The following MIPEP variants were observed in gnomAD, a reference collection of about 807,000 sequenced individuals.
MIPEP encodes the protein mitochondrial intermediate peptidase.
MIPEP carries 79 observed loss-of-function variants against 90.3 expected under a neutral mutation model. That is an observed-to-expected ratio of 0.87 (90% CI 0.73 to 1.05). The LOEUF is 1.05. MIPEP is among the 50% of genes least tolerant of loss of function. The pLI is 0.00. For synonymous variants in MIPEP, 334 were observed against 315.8 expected (o/e 1.06, Z -0.61); for missense variants, 940 against 905.6 (o/e 1.04, Z -0.49).
At chr13:23,769,846 G>A (rs908350662) in intron 16 of MIPEP, among the ~76,000 whole-genome samples, 4 of 152,166 alleles carry the variant, frequency 2.6e-5, no homozygotes, top group Non-Finnish European at 4.4e-5. Flanking sequence ...ACCGGATCAT[G>A]AGGGCCCTGA....
rs564576763 is a variant in MIPEP, at chr13:23,854,517, G to A, written c.1106+4343C>T. 2.5e-4 allele frequency among the ~76,000 whole-genome samples: 38 copies of A among 152,152 alleles called. 1 individual carries two copies. The South Asian group carries it at 6.0e-3, about 24-fold the overall frequency. On this transcript the variant is annotated intron_variant, in intron 10 of 18. Coordinates refer to ENST00000382172, the MANE Select transcript of MIPEP (RefSeq NM_005932.4). ...CATCTGTATTTCATTATGTGAATGCGCTTGAGATTTTAAGAATATATCTTA... is the reference window on the plus strand; with the variant it reads ...CATCTGTATTTCATTATGTGAATGCACTTGAGATTTTAAGAATATATCTTA...
chr13:23,735,912 A>T (rs4770486), intron 18 of MIPEP, among the ~76,000 whole-genome samples: 2 of 149,586 alleles, frequency 1.3e-5, no homozygotes, highest in Admixed American at 6.6e-5. Context: ...TAAAAAAAAA[A>T]CAAAAAAAAC....
At chr13:23,764,914 C>T (rs1377464801) in intron 16 of MIPEP, among the ~76,000 whole-genome samples, 2 of 152,212 alleles carry the variant, frequency 1.3e-5, no homozygotes, top group Admixed American at 1.3e-4. Flanking sequence ...TGTAGAAATG[C>T]TTTAGCTAAA....
intron 16 of MIPEP, among the ~76,000 whole-genome samples, chr13:23,797,105 A>C (rs1952970987): frequency 6.6e-6 from 1 of 152,192 alleles, no homozygotes; most frequent in Non-Finnish European, 1.5e-5. Context: ...CTGGTACTTG[A>C]GAAAAGGCTG....
At chr13:23,860,185 A>G (rs774959908) in intron 9 of MIPEP, among the ~76,000 whole-genome samples, 1 of 152,244 alleles carries the variant, frequency 6.6e-6, no homozygotes, top group Non-Finnish European at 1.5e-5. Flanking sequence ...ACAGCCCACA[A>G]GAAGAGTATT....
chr13:23,742,209 C>T (rs1378355997), intron 18 of MIPEP, among the ~76,000 whole-genome samples: 1 of 152,112 alleles, frequency 6.6e-6, no homozygotes, highest in Non-Finnish European at 1.5e-5. Flanking sequence ...AAAAGTTTTC[C>T]TTTGAAGGGG....
intron 3 of MIPEP, among the ~76,000 whole-genome samples, chr13:23,880,008 C>A (rs1871213170): frequency 6.6e-6 from 1 of 152,202 alleles, no homozygotes; most frequent in Non-Finnish European, 1.5e-5. Context: ...AATGCCATGG[C>A]CCCCTCAAAA....
intron 18 of MIPEP, among the ~76,000 whole-genome samples, chr13:23,738,186 A>G (rs963538686): frequency 6.6e-6 from 1 of 152,198 alleles, no homozygotes; most frequent in African/African-American, 2.4e-5. Flanking sequence ...CATGTTATTT[A>G]TTAGGAAGAT....
chr13:23,802,708 A>G (rs1953058578), intron 16 of MIPEP, among the ~76,000 whole-genome samples: 1 of 149,048 alleles, frequency 6.7e-6, no homozygotes, highest in Admixed American at 6.6e-5. Flanking sequence ...TAACTTTAAG[A>G]TTTTTCAACT....
At chr13:23,818,110 G>C (rs560432483) in intron 14 of MIPEP, among the ~76,000 whole-genome samples, 11 of 151,928 alleles carry the variant, frequency 7.2e-5, no homozygotes, top group Non-Finnish European at 1.6e-4. Flanking sequence ...GAAAAACTTT[G>C]GACAAATTAA....
At position 23,889,357 on chromosome 13, in the gene MIPEP, C is replaced by A. The variant is rs904692003; in HGVS notation, c.-37G>T. On this transcript the variant is annotated 5_prime_UTR_variant, in exon 1 of 19. Coordinates refer to ENST00000382172, the MANE Select transcript of MIPEP (RefSeq NM_005932.4). ...AGCAGTCCCTTCCTCCAACGCAGATCCCTGCCCTGCTGCTTTCGCTGGGAG... is the reference window on the plus strand; with the variant it reads ...AGCAGTCCCTTCCTCCAACGCAGATACCTGCCCTGCTGCTTTCGCTGGGAG... 1.1e-5 allele frequency: 14 copies of A among 1,260,974 alleles called. No individual in the cohort carries two copies. The highest frequency in any genetic ancestry group is 1.3e-5 in the Non-Finnish European group (13 of 1,002,172). 78.1% of individuals were successfully genotyped at this position (1,260,974 alleles called of 1,614,324 possible). A position where few individuals can be genotyped will look rare whatever the true frequency, so the allele number is the denominator to read the frequency against.
At chr13:23,854,968 T>C (rs1011068960) in intron 10 of MIPEP, among the ~76,000 whole-genome samples, 1 of 151,678 alleles carries the variant, frequency 6.6e-6, no homozygotes, top group Non-Finnish European at 1.5e-5. Context: ...CTGAAACTCA[T>C]TACTCACAGA....
intron 16 of MIPEP, among the ~76,000 whole-genome samples, chr13:23,772,317 T>TTAAC (rs1555232491): frequency 1.3e-5 from 2 of 151,570 alleles, no homozygotes; most frequent in South Asian, 4.2e-4. Context: ...AATTTTTTTT[T>TTAAC]AACAACAACA....
Position 23,879,348 on chromosome 13 carries a change from G to A in MIPEP, c.459C>T (p.Asn153=). 1 of 1,522,548 alleles carries A rather than the reference G, an allele frequency of 6.6e-7. No homozygotes were observed. The highest frequency in any genetic ancestry group is 9.0e-7 in the Non-Finnish European group (1 of 1,105,302). The allele number at this position is 1,522,548 out of a possible 1,614,324, so 94.3% of individuals were successfully genotyped here. A position where few individuals can be genotyped will look rare whatever the true frequency, so the allele number is the denominator to read the frequency against. Residue 153 remains asparagine (N), a synonymous_variant, in exon 4 of 19, where the codon AAC becomes AAT. Transcript: ENST00000382172. ...RSIGTMVEKL[N]TNVDLYQSLQ... ...AACTTTGATATAAATCCACATTTGT[G>A]TTCAACCTAGAAAAAATAGAAATTT...
In MIPEP at chr13:23,880,369, C is replaced by G. The variant is rs561911772; in HGVS notation, c.453-1015G>C. 6.6e-5 allele frequency among the ~76,000 whole-genome samples: 10 copies of G among 152,292 alleles called. No homozygotes were observed. In the East Asian group the frequency reaches 1.9e-3, roughly 29 times the overall value. On this transcript the variant is annotated intron_variant, in intron 3 of 18. Coordinates refer to ENST00000382172, the MANE Select transcript of MIPEP (RefSeq NM_005932.4). ...GCTCACCCACGGAGCCACTCCATGG[C>G]AAAGGAACAGTAGCTCAGAGGCTGC...
intron 10 of MIPEP, among the ~76,000 whole-genome samples, chr13:23,847,004 CA>C (rs1406435621): frequency 6.6e-6 from 1 of 152,074 alleles, no homozygotes; most frequent in East Asian, 1.9e-4. Context: ...GTAACCTTCC[CA>C]AGGCTACGAC....
At chr13:23,872,067 T>C (rs1269607555) in intron 5 of MIPEP, among the ~76,000 whole-genome samples, 1 of 152,278 alleles carries the variant, frequency 6.6e-6, no homozygotes, top group Non-Finnish European at 1.5e-5. Flanking sequence ...TACAATAATC[T>C]GAACTCTTGA....
At chr13:23,869,877 C>A in intron 6 of MIPEP, 136 bp downstream of exon 6, 3 of 533,162 alleles carry the variant, frequency 5.6e-6, no homozygotes, top group Non-Finnish European at 6.2e-6. Context: ...TTAATAATTC[C>A]ACAAGTTAAA....
intron 16 of MIPEP, chr13:23,760,430 C>G: frequency 1.4e-6 from 1 of 733,964 alleles, no homozygotes; most frequent in Non-Finnish European, 2.5e-6. Context: ...CATGTTGAAA[C>G]CCAAAGCCAT....
Sources: gnomAD v4.1 joint callset for allele counts (sites outside exome capture counted in the v4.1 genomes callset) on GRCh38, gnomAD v4.1.1 for gene constraint, MANE v1.5 for transcripts, NCBI Gene and HGNC (gene_info 2026-07-23, HGNC 2026-07-21) for gene names.